RBM5: variants seen among roughly 807,000 people sequenced by gnomAD.
RBM5 encodes the protein RNA-binding protein 5.
RBM5 carries 15 observed loss-of-function variants against 124.6 expected under a neutral mutation model. That is an observed-to-expected ratio of 0.12 (90% CI 0.08 to 0.19). RBM5 has a LOEUF of 0.19. Ranked by LOEUF, RBM5 falls within the 10% of genes least tolerant of loss-of-function variation. The probability of loss-of-function intolerance (pLI) is 1.00; values close to 1 mark genes in which losing one functional copy is unlikely to be tolerated. For synonymous variants in RBM5, 337 were observed against 361.2 expected (o/e 0.93, Z 0.76); for missense variants, 580 against 1,026.5 (o/e 0.57, Z 5.94).
chr3:50,110,975 C>T (rs1014903476), intron 17 of RBM5: 2 of 541,132 alleles, frequency 3.7e-6, no homozygotes, highest in African/African-American at 3.8e-5. Context: ...ATAATATACA[C>T]ACAAAAAAAT....
At chr3:50,094,107 G>A (rs939320057) in intron 4 of RBM5, 2 of 390,014 alleles carry the variant, frequency 5.1e-6, no homozygotes, top group South Asian at 4.7e-5. Flanking sequence ...TTTGTATTTT[G>A]TATATGTCTT....
intron 4 of RBM5, chr3:50,094,113 G>T: frequency 8.7e-6 from 3 of 346,118 alleles, no homozygotes; most frequent in South Asian, 6.9e-5. Flanking sequence ...TTTTGTATAT[G>T]TCTTATACAT....
rs760004750 is a variant in RBM5 at position 50,117,026 on chromosome 3, A to G, written c.2095-48A>G. The G allele has an allele frequency of 2.6e-6, 4 of 1,531,688 alleles. No homozygotes were observed. Among genetic ancestry groups the G allele is most frequent in the African/African-American group, 1.4e-5 (1 of 73,088 alleles). The allele number at this position is 1,531,688 out of a possible 1,614,324, so 94.9% of individuals were successfully genotyped here. On this transcript the variant is annotated intron_variant, in intron 22 of 24. Coordinates refer to ENST00000347869, the MANE Select transcript of RBM5 (RefSeq NM_005778.4). The surrounding 1 kb of genome is among the most constrained non-coding windows in gnomAD (Gnocchi z 4.2). The stretch of plus-strand genomic sequence containing the variant: ...TTGAATAGGTGCATTAGACGGTTAC[A>G]GGTTGAAGTCTGTGAACATTTCCAG...
rs1056605281 is a variant in RBM5 at position 50,095,132 on chromosome 3, C to T, written c.339+1257C>T. Among the ~76,000 whole-genome samples the T allele has an allele frequency of 5.3e-5, 8 of 152,038 alleles. 1 individual carries two copies. Among genetic ancestry groups the T allele is most frequent in the African/African-American group, 1.9e-4 (8 of 41,410 alleles). The stretch of plus-strand genomic sequence containing the variant: ...AGGAGAATGGCTTGAACCTGGGAGG[C>T]GGAGTTTACAATGAGCCAAGATCAC... On this transcript the variant is annotated intron_variant, in intron 4 of 24. Transcript: ENST00000347869.
In RBM5 at chr3:50,100,830, T is replaced by TG. The variant is rs2090923768; in HGVS notation, c.483+225_483+226insG. On this transcript the variant is annotated intron_variant, in intron 6 of 24. Transcript: ENST00000347869. The surrounding 1 kb of genome is among the most constrained non-coding windows in gnomAD (Gnocchi z 5.1). ...GGCTACCTACCTGGCAGGGCTTTGT[T>TG]AACTACTGAATACCTGTCTGGTAAT... The TG allele has an allele frequency of 2.2e-6, 1 of 446,878 alleles. No individual in the cohort carries two copies. The highest frequency in any genetic ancestry group is 3.6e-5 in the Admixed American group (1 of 28,032). The allele number at this position is 446,878 out of a possible 1,614,324, so 27.7% of individuals were successfully genotyped here. A position where few individuals can be genotyped will look rare whatever the true frequency, so the allele number is the denominator to read the frequency against.
chr3:50,112,454 G>T (rs1047669204), intron 17 of RBM5, among the ~76,000 whole-genome samples: 2 of 139,500 alleles, frequency 1.4e-5, no homozygotes, highest in South Asian at 2.3e-4. Context: ...AGTTGTGTCT[G>T]TTAGCCACGC....
In RBM5 at chr3:50,100,573, C is replaced by G. The variant is rs2090918988; in HGVS notation, c.451C>G (p.Gln151Glu). 5.0e-6 allele frequency: 8 copies of G among 1,612,672 alleles called. No individual in the cohort carries two copies. The highest frequency in any genetic ancestry group is 6.8e-6 in the Non-Finnish European group (8 of 1,178,974). ...CGCCTTCGTGGAGTTTTATCACTTGCAAGATGCTACCAGCTGGATGGAAGC... is the reference window on the plus strand; with the variant it reads ...CGCCTTCGTGGAGTTTTATCACTTGGAAGATGCTACCAGCTGGATGGAAGC... The part of the protein sequence containing the change: ...GFAFVEFYHL[Q>E]DATSWMEANQ... Residue 151 changes from glutamine (Q) to glutamate (E), a missense_variant, in exon 6 of 25, where the codon CAA becomes GAA. Gln to Glu is a conservative substitution (Grantham distance 29, BLOSUM62 2). Transcript: ENST00000347869. This position sits in a 1 kb window ranked among gnomAD's most constrained non-coding sequence, Gnocchi z 5.1.
chr3:50,116,357 AT>A (rs1428497964), intron 22 of RBM5: 1 of 202,218 alleles, frequency 4.9e-6, no homozygotes, highest in Non-Finnish European at 1.0e-5. Context: ...ACGTGAGGTT[AT>A]TGCAGGTGAT....
At chr3:50,094,819 G>C (rs558255831) in intron 4 of RBM5, among the ~76,000 whole-genome samples, 1 of 152,178 alleles carries the variant, frequency 6.6e-6, no homozygotes, top group African/African-American at 2.4e-5. Flanking sequence ...TTTTGGATTA[G>C]GGTTGCTCAA....
chr3:50,107,988 A>C, intron 12 of RBM5, 82 bp from the exon 13 acceptor site: 51 of 1,115,752 alleles, frequency 4.6e-5, no homozygotes, highest in Non-Finnish European at 6.4e-5. Context: ...GCCCAGCATC[A>C]TGAGCTCATT....
Position 50,104,249 on chromosome 3 carries a change from G to T in RBM5, c.569G>T (p.Cys190Phe). The change falls in exon 8 of 25, where the codon TGC (cysteine) becomes TTC (phenylalanine). Residue 190 changes from cysteine (C) to phenylalanine (F), a missense_variant and splice_region_variant. Transcript: ENST00000347869. ...TACAGATAAAACTTTTTTTTTCAGT[G>T]CTGCCTTAACAATTTCAGGAAAAGA... ...PKFEDWLCNK[C>F]CLNNFRKRLK... 6.2e-7 allele frequency: 1 copy of T among 1,613,298 alleles called. No homozygotes were observed. Among genetic ancestry groups the T allele is most frequent in the Non-Finnish European group, 8.5e-7 (1 of 1,179,572 alleles).
chr3:50,105,441 C>G, intron 9 of RBM5, 108 bp from the exon 10 acceptor site: 1 of 1,207,776 alleles, frequency 8.3e-7, no homozygotes, highest in Non-Finnish European at 1.2e-6. Context: ...AGAAAATACA[C>G]TAGGAATGTC....
intron 8 of RBM5, 24 bp from the exon 9 acceptor site, chr3:50,105,053 T>C: frequency 6.6e-7 from 1 of 1,512,818 alleles, no homozygotes; most frequent in Non-Finnish European, 9.2e-7. Context: ...TGTTTGTCTC[T>C]AATTGGATCA....
At chr3:50,104,554 G>T (rs2109003396) in intron 8 of RBM5, 1 of 450,848 alleles carries the variant, frequency 2.2e-6, no homozygotes, top group South Asian at 2.6e-5. Context: ...TAGGTGAGAG[G>T]ATTGCTTGAG....
At chr3:50,094,762 T>C (rs1005028828) in intron 4 of RBM5, among the ~76,000 whole-genome samples, 19 of 152,206 alleles carry the variant, frequency 1.2e-4, no homozygotes, top group African/African-American at 4.3e-4. Flanking sequence ...CCACTTGTTG[T>C]GTCATGTTAG....
intron 10 of RBM5, among the ~76,000 whole-genome samples, chr3:50,106,475 C>T (rs781108784): frequency 6.6e-6 from 1 of 152,162 alleles, no homozygotes; most frequent in Non-Finnish European, 1.5e-5. Flanking sequence ...CCATGTTGGC[C>T]AGGCTGGTCT....
chr3:50,116,764 C>T, intron 22 of RBM5: 1 of 372,146 alleles, frequency 2.7e-6, no homozygotes, highest in Admixed American at 4.0e-5. Context: ...CTGCCTTCCT[C>T]TTCGCAAGCT....
Position 50,100,141 on chromosome 3 carries a change from A to G in RBM5, c.409+90A>G. On this transcript the variant is annotated intron_variant, in intron 5 of 24. Coordinates refer to ENST00000347869, the MANE Select transcript of RBM5 (RefSeq NM_005778.4). This position sits in a 1 kb window ranked among gnomAD's most constrained non-coding sequence, Gnocchi z 5.1. ...AACATCCTGATTCCCCCAGTCTTCAAGCACATGAATTCAGAATGAAAGGTT... is the reference window on the plus strand; with the variant it reads ...AACATCCTGATTCCCCCAGTCTTCAGGCACATGAATTCAGAATGAAAGGTT... The G allele has an allele frequency of 8.5e-7, 1 of 1,176,616 alleles. No individual in the cohort carries two copies. Among genetic ancestry groups the G allele is most frequent in the South Asian group, 1.4e-5 (1 of 71,482 alleles). The allele number at this position is 1,176,616 out of a possible 1,614,324, so 72.9% of individuals were successfully genotyped here. A position where few individuals can be genotyped will look rare whatever the true frequency, so the allele number is the denominator to read the frequency against.
At chr3:50,112,942 A>G (rs1441809442) in intron 17 of RBM5, 2 of 152,952 alleles carry the variant, frequency 1.3e-5, no homozygotes, top group African/African-American at 2.4e-5. Flanking sequence ...CACCTCCTCC[A>G]TCTCCCAGGT....
Sources: allele counts gnomAD v4.1 joint callset (sites outside exome capture counted in the v4.1 genomes callset), GRCh38; gene constraint gnomAD v4.1.1; non-coding constraint Gnocchi (gnomAD v3.1); transcripts MANE v1.5; gene names NCBI Gene and HGNC (gene_info 2026-07-23, HGNC 2026-07-21).